Variants in SPINT1 observed in about 807,000 individuals in gnomAD.
SPINT1 encodes the protein serine peptidase inhibitor, Kunitz type 1.
SPINT1 carries 38 observed loss-of-function variants against 53.7 expected under a neutral mutation model. The observed-to-expected ratio is 0.71, with a 90% CI of 0.55 to 0.93. The LOEUF (loss-of-function observed/expected upper bound fraction) is 0.93, where lower values mean the gene tolerates loss of function less well. Ranked by LOEUF, SPINT1 falls within the 40% of genes least tolerant of loss-of-function variation. The pLI, the probability that SPINT1 is intolerant of heterozygous loss-of-function variation, is 0.00. For synonymous variants in SPINT1, 283 were observed against 280.6 expected, an observed-to-expected ratio of 1.01 and a Z score of -0.08; for missense variants, 645 against 692.9, an observed-to-expected ratio of 0.93 and a Z score of 0.78.
chr15:40,844,331 C>T lies in SPINT1; in HGVS notation c.-66+145C>T, dbSNP rs1447322451. The stretch of plus-strand genomic sequence containing the variant: ...GTCCGTCTGTCTGGCTGCCGGGTCC[C>T]TGGAGGGCGCGTGGGAGGGCCGGGC... On this transcript the variant is annotated intron_variant, in intron 1 of 10. Transcript: ENST00000562057. This position sits in a 1 kb window ranked among gnomAD's most constrained non-coding sequence, Gnocchi z 5.8. 1 of 612,386 alleles carries T rather than the reference C, an allele frequency of 1.6e-6. No homozygotes were observed. Among genetic ancestry groups the T allele is most frequent in the East Asian group, 2.9e-5 (1 of 34,690 alleles). The allele number at this position is 612,386 out of a possible 1,614,324, so 37.9% of individuals were successfully genotyped here. A position where few individuals can be genotyped will look rare whatever the true frequency, so the allele number is the denominator to read the frequency against.
intron 2 of SPINT1, 75 bp from the exon 3 acceptor site, chr15:40,853,049 A>AC: frequency 6.4e-7 from 1 of 1,551,616 alleles, no homozygotes; most frequent in Non-Finnish European, 8.7e-7. Context: ...TACTTTCACC[A>AC]CCCCACTTTG....
chr15:40,853,176 G>T lies in SPINT1; in HGVS notation c.528G>T (p.Gln176His), dbSNP rs1353389800. 1 of 1,614,048 alleles carries T rather than the reference G, an allele frequency of 6.2e-7. No homozygotes were observed. The highest frequency in any genetic ancestry group is 2.2e-5 in the East Asian group (1 of 44,884). Residue 176 changes from glutamine (Q) to histidine (H), a missense_variant, in exon 3 of 11, where the codon CAG (glutamine) becomes CAT (histidine). Gln to His is a conservative substitution (Grantham distance 24, BLOSUM62 0). Coordinates refer to ENST00000562057, the MANE Select transcript of SPINT1 (RefSeq NM_003710.4). ...WAGIDLKVQPQEPLVLKDVEN... is the reference protein window; with the variant it reads ...WAGIDLKVQPHEPLVLKDVEN... Reference sequence around the variant, plus strand: ...GCATAGACTTGAAGGTACAACCCCAGGAACCCCTGGTGCTGAAGGATGTGG... The same window carrying T: ...GCATAGACTTGAAGGTACAACCCCATGAACCCCTGGTGCTGAAGGATGTGG...
chr15:40,851,214 C>T (rs1891445722), intron 2 of SPINT1, among the ~76,000 whole-genome samples: 1 of 150,992 alleles, frequency 6.6e-6, no homozygotes, highest in Admixed American at 6.6e-5. Context: ...AGTGCAGTGG[C>T]ACGATCTCGG....
rs1269283428 is a variant in SPINT1 at position 40,844,676 on chromosome 15, C to G, written c.122C>G (p.Pro41Arg). ...ACCCAGGCCGGGCCACCGCCCGCGC[C>G]CCCTGGGCTGCCCGCGGGAGCCGAC... is the stretch of plus-strand genomic sequence containing the variant. ...QGTQAGPPPA[P>R]PGLPAGADCL... Residue 41 changes from proline to arginine, a missense_variant, in exon 2 of 11, where the codon CCC (proline) becomes CGC (arginine). Physicochemically the swap from Pro to Arg is moderately radical, Grantham distance 103. Transcript: ENST00000562057. The surrounding 1 kb of genome is among the most constrained non-coding windows in gnomAD (Gnocchi z 5.8). The G allele has an allele frequency of 3.7e-6, 6 of 1,606,460 alleles. No individual in the cohort carries two copies. Among genetic ancestry groups the G allele is most frequent in the Non-Finnish European group, 5.1e-6 (6 of 1,176,686 alleles).
intron 4 of SPINT1, 36 bp from the exon 5 acceptor site, chr15:40,853,675 T>A: frequency 6.2e-7 from 1 of 1,613,930 alleles, no homozygotes; most frequent in Admixed American, 1.7e-5. Flanking sequence ...CTGTGCGGAT[T>A]GGCCGCACGG....
Position 40,848,132 on chromosome 15 carries a change from C to T in SPINT1, c.475+3103C>T, listed in dbSNP as rs183730962. ...ACATGTTTCTTCCTGAAATCTCTCC[C>T]TTCCCATCCCTTTTGCTGTCATTGT... On this transcript the variant is annotated intron_variant, in intron 2 of 10. Coordinates refer to ENST00000562057, the MANE Select transcript of SPINT1 (RefSeq NM_003710.4). Among the ~76,000 whole-genome samples the T allele has an allele frequency of 2.8e-3, 430 of 152,300 alleles. 3 individuals carry two copies. The highest frequency in any genetic ancestry group is 9.9e-3 in the African/African-American group (412 of 41,560).
intron 6 of SPINT1, 75 bp downstream of exon 6, chr15:40,854,161 G>A (rs977685061): frequency 1.9e-5 from 28 of 1,478,232 alleles, no homozygotes; most frequent in Non-Finnish European, 2.5e-5. Context: ...CCCCTAAGCA[G>A]CCTGCCTTTG....
chr15:40,853,930 G>A (rs769581820), intron 5 of SPINT1, 49 bp downstream of exon 5: 9 of 1,614,080 alleles, frequency 5.6e-6, no homozygotes, highest in Admixed American at 1.7e-5. Flanking sequence ...TTCCCCCAGG[G>A]TGAGTGGTCT....
intron 2 of SPINT1, among the ~76,000 whole-genome samples, chr15:40,850,604 C>T (rs941009818): frequency 2.0e-5 from 3 of 152,244 alleles, no homozygotes; most frequent in Non-Finnish European, 4.4e-5. Context: ...TATGTTCCCT[C>T]TAAATCCGGT....
intron 8 of SPINT1, 153 bp from the exon 9 acceptor site, chr15:40,855,739 C>T: frequency 1.5e-6 from 1 of 683,130 alleles, no homozygotes. Flanking sequence ...TTTTCTGGCA[C>T]CACTGCAGCT....
At chr15:40,853,321 C>T (rs908065299) in intron 3 of SPINT1, 70 bp downstream of exon 3, 19 of 1,608,466 alleles carry the variant, frequency 1.2e-5, no homozygotes, top group Non-Finnish European at 1.4e-5. Flanking sequence ...TTCTGGGGCC[C>T]TAGGCCAACC....
In SPINT1 at chr15:40,853,558, A is replaced by ACTAGCT. The variant is rs765380286; in HGVS notation, c.675_680dup (p.Ser226_Ser227dup). 1 of 1,614,044 alleles carries ACTAGCT rather than the reference A, an allele frequency of 6.2e-7. No homozygotes were observed. The highest frequency in any genetic ancestry group is 1.1e-5 in the South Asian group (1 of 91,086). ...CACCTACCTGTTCCAGCTGACAGTG[A>ACTAGCT]CTAGCTCAGACCACCCAGAGGACAC... On this transcript the variant is annotated inframe_insertion, in exon 4 of 11. Transcript: ENST00000562057.
In SPINT1 at chr15:40,853,553, C is replaced by T. The variant is rs1350885614; in HGVS notation, c.668C>T (p.Thr223Ile). ...LKEGTYLFQL[T>I]VTSSDHPEDT... ...GAAGGCACCTACCTGTTCCAGCTGA[C>T]AGTGACTAGCTCAGACCACCCAGAG... Residue 223 changes from threonine (T) to isoleucine (I), a missense_variant, in exon 4 of 11, where the codon ACA becomes ATA. Transcript: ENST00000562057. The T allele has an allele frequency of 6.2e-7, 1 of 1,613,974 alleles. No individual in the cohort carries two copies. Among genetic ancestry groups the T allele is most frequent in the Non-Finnish European group, 8.5e-7 (1 of 1,179,980 alleles).
At chr15:40,855,853 C>T (rs2142016711) in intron 8 of SPINT1, 39 bp from the exon 9 acceptor site, 1 of 1,581,142 alleles carries the variant, frequency 6.3e-7, no homozygotes, top group Non-Finnish European at 8.6e-7. Flanking sequence ...GCAGGGAGGC[C>T]ATGGACTCGC....
rs1304303854 is a variant in SPINT1 at position 40,855,955 on chromosome 15, A to G, written c.1181A>G (p.Asn394Ser). The G allele has an allele frequency of 5.0e-6, 8 of 1,614,050 alleles. No homozygotes were observed. The African/African-American group carries it at 1.1e-4, about 22-fold the overall frequency. The change falls in exon 9 of 11, where the codon AAC becomes AGC. Residue 394 changes from asparagine to serine, a missense_variant. Coordinates refer to ENST00000562057, the MANE Select transcript of SPINT1 (RefSeq NM_003710.4). ...GAGAGCATCCCGCGCTGGTACTACA[A>G]CCCCTTCAGCGAACACTGCGCCCGC... ...CKESIPRWYY[N>S]PFSEHCARFT...
Position 40,844,247 on chromosome 15 carries a change from G to A in SPINT1, c.-66+61G>A, listed in dbSNP as rs1305780642. ...GGCGGAGCGGGCTGGAGCATGTCCG[G>A]CCCTTTGTTCTGCGCTCGTGCGTGT... On this transcript the variant is annotated intron_variant, in intron 1 of 10. Coordinates refer to ENST00000562057, the MANE Select transcript of SPINT1 (RefSeq NM_003710.4). This position sits in a 1 kb window ranked among gnomAD's most constrained non-coding sequence, Gnocchi z 5.8. 4.1e-6 allele frequency: 2 copies of A among 491,866 alleles called. No individual in the cohort carries two copies. The highest frequency in any genetic ancestry group is 4.2e-5 in the East Asian group (1 of 23,782). 30.5% of individuals were successfully genotyped at this position (491,866 alleles called of 1,614,324 possible). A position where few individuals can be genotyped will look rare whatever the true frequency, so the allele number is the denominator to read the frequency against.
chr15:40,848,460 G>C (rs1421375030), intron 2 of SPINT1, among the ~76,000 whole-genome samples: 1 of 152,174 alleles, frequency 6.6e-6, no homozygotes, highest in Non-Finnish European at 1.5e-5. Context: ...TTACCAGCCA[G>C]TTAGTCCCCG....
chr15:40,848,070 C>T (rs1015108851), intron 2 of SPINT1, among the ~76,000 whole-genome samples: 4 of 152,172 alleles, frequency 2.6e-5, no homozygotes, highest in African/African-American at 7.2e-5. Flanking sequence ...GAACCCAGTT[C>T]TCTTTTTACT....
chr15:40,854,028 T>C, intron 5 of SPINT1, 32 bp from the exon 6 acceptor site: 1 of 1,448,690 alleles, frequency 6.9e-7, no homozygotes, highest in Non-Finnish European at 9.3e-7. Flanking sequence ...AGCCTGGTCA[T>C]GCCTCCTCTC....
Sources: gnomAD v4.1 joint callset for allele counts (sites outside exome capture counted in the v4.1 genomes callset) on GRCh38, gnomAD v4.1.1 for gene constraint, Gnocchi (gnomAD v3.1) non-coding constraint, MANE v1.5 for transcripts, NCBI Gene and HGNC (gene_info 2026-07-23, HGNC 2026-07-21) for gene names.